Variants in SNX24 observed in about 807,000 individuals in gnomAD.
SNX24 encodes sorting nexin-24.
SNX24 carries 22 observed loss-of-function variants against 28.7 expected under a neutral mutation model. The ratio of observed to expected loss-of-function variants is 0.77; its 90% CI spans 0.55 to 1.10. The LOEUF (loss-of-function observed/expected upper bound fraction) is 1.10, where lower values mean the gene tolerates loss of function less well. SNX24 is among the 50% of genes least tolerant of loss of function. SNX24 has a pLI of 0.00. For missense variants in SNX24, 221 were observed against 201.1 expected (o/e 1.10, Z -0.60); for synonymous variants, 69 against 71.5 (o/e 0.96, Z 0.18).
chr5:122,979,401 G>A (rs548694686), intron 3 of SNX24, among the ~76,000 whole-genome samples: 7 of 152,252 alleles, frequency 4.6e-5, no homozygotes, highest in Admixed American at 1.3e-4. Context: ...CCTGCAACCC[G>A]GCATGCCCAC....
intron 3 of SNX24, among the ~76,000 whole-genome samples, chr5:122,961,814 G>A (rs30059): frequency 0.77 from 117,080 of 152,188 alleles, 45,914 homozygotes; most frequent in East Asian, 0.99. Flanking sequence ...TAGAAATCCT[G>A]TAACCTAGTT....
chr5:123,015,379 A>G (rs903242545), intron 5 of SNX24, among the ~76,000 whole-genome samples: 1 of 152,242 alleles, frequency 6.6e-6, no homozygotes, highest in African/African-American at 2.4e-5. Flanking sequence ...TTCTGAAAAC[A>G]GTGACTGTGT....
chr5:122,936,566 G>C (rs745873223), intron 1 of SNX24, among the ~76,000 whole-genome samples, 168 bp from the exon 2 acceptor site: 39 of 152,082 alleles, frequency 2.6e-4, no homozygotes, highest in Non-Finnish European at 4.9e-4. Context: ...TTTGGTTCGA[G>C]TGCTCATTAA....
chr5:122,997,078 A>C (rs1762076499), intron 3 of SNX24, among the ~76,000 whole-genome samples: 1 of 152,144 alleles, frequency 6.6e-6, no homozygotes, highest in Non-Finnish European at 1.5e-5. Flanking sequence ...AAAAAGATTT[A>C]ATTCCTCTTT....
At chr5:122,896,852 T>C (rs1757224897) in intron 1 of SNX24, among the ~76,000 whole-genome samples, 1 of 152,230 alleles carries the variant, frequency 6.6e-6, no homozygotes, top group African/African-American at 2.4e-5. Flanking sequence ...ATTATGTGAC[T>C]CCCTTCAGCC....
intron 1 of SNX24, among the ~76,000 whole-genome samples, chr5:122,926,288 A>C (rs1265781843): frequency 6.6e-6 from 1 of 152,156 alleles, no homozygotes; most frequent in Non-Finnish European, 1.5e-5. Context: ...GTGTGGCTGG[A>C]CCAGGGTGAG....
chr5:123,006,689 A>G (rs1205065781), intron 6 of SNX24, among the ~76,000 whole-genome samples: 3 of 151,740 alleles, frequency 2.0e-5, no homozygotes, highest in African/African-American at 7.3e-5. Context: ...CACTTTTCTC[A>G]CTATGTTGGC....
At chr5:123,004,240 A>C (rs1010276052) in intron 6 of SNX24, among the ~76,000 whole-genome samples, 1 of 152,202 alleles carries the variant, frequency 6.6e-6, no homozygotes, top group Non-Finnish European at 1.5e-5. Flanking sequence ...AAATCAGGAG[A>C]GTACTCTCTT....
intron 3 of SNX24, among the ~76,000 whole-genome samples, chr5:122,997,353 A>T (rs1762084999): frequency 6.6e-6 from 1 of 152,212 alleles, no homozygotes; most frequent in South Asian, 2.1e-4. Flanking sequence ...AAATTTAGCA[A>T]AGTAAATTCA....
chr5:122,952,569 A>G (rs543613411), intron 3 of SNX24, among the ~76,000 whole-genome samples: 7 of 152,352 alleles, frequency 4.6e-5, no homozygotes, highest in African/African-American at 7.2e-5. Context: ...CACCCGGGCT[A>G]CTTTCTTCAG....
intron 1 of SNX24, among the ~76,000 whole-genome samples, chr5:122,872,691 C>G (rs1413896871): frequency 6.6e-6 from 1 of 152,000 alleles, no homozygotes; most frequent in African/African-American, 2.4e-5. Flanking sequence ...GAATAATGAA[C>G]AAAAGAAAGT....
At chr5:123,028,400 C>T (rs940761835) in intron 5 of SNX24, 3 of 173,680 alleles carry the variant, frequency 1.7e-5, no homozygotes, top group Admixed American at 6.3e-5. Flanking sequence ...CCTCCTGCAA[C>T]GCCCACCTCT....
chr5:122,884,123 CAG>C (rs1166856598), intron 1 of SNX24, among the ~76,000 whole-genome samples: 1 of 152,070 alleles, frequency 6.6e-6, no homozygotes, highest in Non-Finnish European at 1.5e-5. Context: ...TTGGAAGTCT[CAG>C]ATATGAAACA....
At chr5:122,968,034 C>CT (rs992645737) in intron 3 of SNX24, among the ~76,000 whole-genome samples, 1 of 152,144 alleles carries the variant, frequency 6.6e-6, no homozygotes, top group African/African-American at 2.4e-5. Context: ...TTAAAAATGT[C>CT]TATTATTATG....
At chr5:122,848,614 C>G (rs1399113629) in intron 1 of SNX24, among the ~76,000 whole-genome samples, 1 of 151,774 alleles carries the variant, frequency 6.6e-6, no homozygotes, top group Non-Finnish European at 1.5e-5. Context: ...GAGGCTGATA[C>G]AGGCGAATCT....
chr5:122,978,585 T>C (rs943109720), intron 3 of SNX24, among the ~76,000 whole-genome samples: 3 of 152,218 alleles, frequency 2.0e-5, no homozygotes, highest in Admixed American at 6.5e-5. Context: ...GAAACAGTCT[T>C]CAATTGAGGG....
intron 3 of SNX24, among the ~76,000 whole-genome samples, chr5:122,996,128 A>G (rs1762045275): frequency 1.3e-5 from 2 of 152,260 alleles, no homozygotes; most frequent in Admixed American, 1.3e-4. Context: ...TTACCACAGT[A>G]GCCTCAATGC....
chr5:122,895,694 C>T (rs1757169035), intron 1 of SNX24, among the ~76,000 whole-genome samples: 2 of 152,222 alleles, frequency 1.3e-5, no homozygotes, highest in Non-Finnish European at 2.9e-5. Context: ...TGTCAGCAGT[C>T]GTCCCTGCCA....
intron 1 of SNX24, among the ~76,000 whole-genome samples, chr5:122,867,058 C>T (rs937530474): frequency 3.9e-5 from 6 of 152,182 alleles, no homozygotes; most frequent in African/African-American, 1.4e-4. Context: ...AGAAACAGCA[C>T]TATATATTAT....
Sources: allele counts gnomAD v4.1 joint callset (sites outside exome capture counted in the v4.1 genomes callset), GRCh38; gene constraint gnomAD v4.1.1; transcripts MANE v1.5; gene names NCBI Gene and HGNC (gene_info 2026-07-23, HGNC 2026-07-21).